Variants in ACTN4 observed in about 807,000 individuals in gnomAD.
ACTN4 encodes alpha-actinin-4.
A neutral mutation model predicts 114.2 loss-of-function variants in ACTN4; 18 were observed. That is an observed-to-expected ratio of 0.16 (90% CI 0.11 to 0.23). The LOEUF (loss-of-function observed/expected upper bound fraction) is 0.23, where lower values mean the gene tolerates loss of function less well. Among genes scored for constraint, ACTN4 ranks in the 10% least tolerant of loss-of-function variants. The probability of loss-of-function intolerance (pLI) is 1.00; values close to 1 mark genes in which losing one functional copy is unlikely to be tolerated. For missense variants in ACTN4, 722 were observed against 1,262.9 expected (o/e 0.57, Z 6.49); for synonymous variants, 515 against 506.3 (o/e 1.02, Z -0.23).
intron 8 of ACTN4, among the ~76,000 whole-genome samples, chr19:38,713,878 G>C (rs1014259481): frequency 1.3e-5 from 2 of 152,166 alleles, no homozygotes; most frequent in Admixed American, 1.3e-4. Context: ...CTCTCCTGTA[G>C]TTCAGGCCCA....
At chr19:38,728,583 G>A (rs1036235328) in intron 19 of ACTN4, among the ~76,000 whole-genome samples, 1 of 151,760 alleles carries the variant, frequency 6.6e-6, no homozygotes, top group African/African-American at 2.4e-5. Flanking sequence ...ATGACTTCCC[G>A]AGCCCCCCTT....
chr19:38,709,179 C>T (rs1217713930), intron 6 of ACTN4, among the ~76,000 whole-genome samples: 1 of 152,138 alleles, frequency 6.6e-6, no homozygotes, highest in Non-Finnish European at 1.5e-5. Context: ...CCCTGGTTTG[C>T]CCCACAAAGA....
chr19:38,667,385 G>A (rs919947000), intron 1 of ACTN4, among the ~76,000 whole-genome samples: 1 of 152,150 alleles, frequency 6.6e-6, no homozygotes, highest in Non-Finnish European at 1.5e-5. Flanking sequence ...GGCGAGTCAA[G>A]GGAAAATCCT....
rs375663379 is a variant in ACTN4 at position 38,729,191 on chromosome 19, G to A, written c.2577+37G>A. Reference sequence around the variant, plus strand: ...CCCTACGAGGTGCATGGGGGCTGGCGAGAGGGGTCCCTGCAGTGGGAGGGG... The same window carrying A: ...CCCTACGAGGTGCATGGGGGCTGGCAAGAGGGGTCCCTGCAGTGGGAGGGG... On this transcript the variant is annotated intron_variant, in intron 20 of 20. Coordinates refer to ENST00000252699, the MANE Select transcript of ACTN4 (RefSeq NM_004924.6). The A allele has an allele frequency of 1.8e-4, 293 of 1,612,796 alleles. 1 individual carries two copies. The African/African-American group carries it at 3.4e-3, about 19-fold the overall frequency.
rs1309678882 is a variant in ACTN4 at position 38,666,186 on chromosome 19, G to T, written c.162+18279G>T. ...CCTCCCGCGCCCCCCCCTTTCCTGGGGTCACTTCCTGATGCCATTCTTCAA... is the reference window on the plus strand; with the variant it reads ...CCTCCCGCGCCCCCCCCTTTCCTGGTGTCACTTCCTGATGCCATTCTTCAA... On this transcript the variant is annotated intron_variant, in intron 1 of 20. Transcript: ENST00000252699. Among the ~76,000 whole-genome samples the T allele has an allele frequency of 2.6e-5, 4 of 151,498 alleles. No individual in the cohort carries two copies. The South Asian group carries it at 6.3e-4, about 24-fold the overall frequency.
At chr19:38,662,590 C>A (rs1331293742) in intron 1 of ACTN4, among the ~76,000 whole-genome samples, 1 of 152,120 alleles carries the variant, frequency 6.6e-6, no homozygotes, top group Non-Finnish European at 1.5e-5. Flanking sequence ...ATTCTTATCC[C>A]CTTAAATACA....
chr19:38,723,866 T>A, intron 13 of ACTN4, 71 bp from the exon 14 acceptor site: 1 of 1,548,918 alleles, frequency 6.5e-7, no homozygotes, highest in Non-Finnish European at 8.8e-7. Context: ...TCTGGACCCC[T>A]CCCCACCCCT....
chr19:38,684,339 C>T (rs1039439592), intron 1 of ACTN4, among the ~76,000 whole-genome samples: 6 of 152,142 alleles, frequency 3.9e-5, no homozygotes, highest in East Asian at 1.9e-4. Flanking sequence ...GAGTCCTCCT[C>T]GGTCCTCTTC....
intron 17 of ACTN4, among the ~76,000 whole-genome samples, chr19:38,726,314 A>G (rs896376890): frequency 2.6e-5 from 4 of 152,036 alleles, no homozygotes; most frequent in Non-Finnish European, 5.9e-5. Flanking sequence ...AAGATTGAAA[A>G]GACTAGATCA....
intron 5 of ACTN4, among the ~76,000 whole-genome samples, chr19:38,707,104 C>T (rs1256664419): frequency 6.6e-6 from 1 of 152,180 alleles, no homozygotes; most frequent in African/African-American, 2.4e-5. Flanking sequence ...CTCTGGGACC[C>T]TTGCTGGGTA....
chr19:38,675,947 G>A (rs187654901), intron 1 of ACTN4, among the ~76,000 whole-genome samples: 10 of 152,334 alleles, frequency 6.6e-5, no homozygotes, highest in Admixed American at 6.5e-4. Context: ...GTGAAGCCAT[G>A]GACTCAGATT....
At chr19:38,704,117 C>T (rs796115242) in intron 3 of ACTN4, among the ~76,000 whole-genome samples, 21 of 152,310 alleles carry the variant, frequency 1.4e-4, no homozygotes, top group African/African-American at 4.8e-4. Flanking sequence ...TTGAGACCAG[C>T]TTGGGTAACA....
intron 1 of ACTN4, among the ~76,000 whole-genome samples, chr19:38,677,945 T>G (rs1486346713): frequency 6.6e-6 from 1 of 152,098 alleles, no homozygotes; most frequent in Admixed American, 6.6e-5. Context: ...CAGGCTGGTC[T>G]CAAACTCCTG....
intron 1 of ACTN4, among the ~76,000 whole-genome samples, chr19:38,700,379 G>T (rs987057051): frequency 9.9e-5 from 15 of 152,162 alleles, no homozygotes; most frequent in Admixed American, 9.8e-4. Flanking sequence ...CTTGTGATGG[G>T]TCATTAACCA....
At chr19:38,668,999 C>CT (rs892500135) in intron 1 of ACTN4, among the ~76,000 whole-genome samples, 1 of 151,832 alleles carries the variant, frequency 6.6e-6, no homozygotes, top group Non-Finnish European at 1.5e-5. Flanking sequence ...AGCTTTTTTT[C>CT]TTTTTTCGAG....
chr19:38,719,367 G>C (rs947674698), intron 11 of ACTN4, among the ~76,000 whole-genome samples: 15 of 152,230 alleles, frequency 9.9e-5, no homozygotes, highest in African/African-American at 3.6e-4. Context: ...TGGCCCGCAT[G>C]CGAGTGTGCA....
At chr19:38,688,885 A>G (rs1272753345) in intron 1 of ACTN4, among the ~76,000 whole-genome samples, 1 of 152,178 alleles carries the variant, frequency 6.6e-6, no homozygotes, top group East Asian at 1.9e-4. Flanking sequence ...TTCTTGGGAA[A>G]ACAGTCTGGC....
At chr19:38,721,842 C>T (rs535693302) in intron 12 of ACTN4, 154 bp downstream of exon 12, 1 of 1,143,822 alleles carries the variant, frequency 8.7e-7, no homozygotes, top group East Asian at 2.6e-5. Context: ...CAGGGAAGGG[C>T]CTTATGGGAT....
At chr19:38,716,970 C>A (rs948196744) in intron 9 of ACTN4, 116 bp from the exon 10 acceptor site, 2 of 1,152,842 alleles carry the variant, frequency 1.7e-6, no homozygotes, top group Admixed American at 4.0e-5. Context: ...GCAGGGGTAA[C>A]CCCCTAAGGT....
Sources: allele counts gnomAD v4.1 joint callset (sites outside exome capture counted in the v4.1 genomes callset), GRCh38; gene constraint gnomAD v4.1.1; transcripts MANE v1.5; gene names NCBI Gene and HGNC (gene_info 2026-07-23, HGNC 2026-07-21).